Variants in CHST11 observed in about 807,000 individuals in gnomAD.
The protein encoded by CHST11 is carbohydrate sulfotransferase 11, also known as C4S-1.
A neutral mutation model predicts 30.4 loss-of-function variants in CHST11; 9 were observed. The observed-to-expected ratio is 0.30, with a 90% CI of 0.18 to 0.52. The LOEUF is 0.52. CHST11 is among the 20% of genes least tolerant of loss of function. CHST11 has a pLI of 0.97. For synonymous variants in CHST11, 152 were observed against 187.8 expected, an observed-to-expected ratio of 0.81 and a Z score of 1.56; for missense variants, 348 against 460.6, an observed-to-expected ratio of 0.76 and a Z score of 2.24.
chr12:104,468,271 T>C (rs929926780), intron 1 of CHST11, among the ~76,000 whole-genome samples: 1 of 152,036 alleles, frequency 6.6e-6, no homozygotes, highest in African/African-American at 2.4e-5. Context: ...ACCAATGAAA[T>C]AGTAAAGATA....
chr12:104,703,439 C>A (rs2040006884), intron 2 of CHST11, among the ~76,000 whole-genome samples: 1 of 152,128 alleles, frequency 6.6e-6, no homozygotes, highest in Non-Finnish European at 1.5e-5. Context: ...CACGTTTAGC[C>A]CACGCAGGTC....
At chr12:104,618,436 T>C (rs1239725011) in intron 2 of CHST11, among the ~76,000 whole-genome samples, 1 of 151,880 alleles carries the variant, frequency 6.6e-6, no homozygotes, top group Non-Finnish European at 1.5e-5. Flanking sequence ...GGTCTCACTA[T>C]GTTGCCCAGG....
intron 2 of CHST11, among the ~76,000 whole-genome samples, chr12:104,731,723 C>T (rs1283697074): frequency 1.3e-5 from 2 of 152,240 alleles, no homozygotes; most frequent in Non-Finnish European, 2.9e-5. Context: ...TATAATGTGT[C>T]CAGTTTCCAG....
In CHST11 at chr12:104,600,564, G is replaced by A. The variant is rs1487829525; in HGVS notation, c.119-1342G>A. On this transcript the variant is annotated intron_variant, in intron 1 of 2. Coordinates refer to ENST00000303694, the MANE Select transcript of CHST11 (RefSeq NM_018413.6). This position sits in a 1 kb window ranked among gnomAD's most constrained non-coding sequence, Gnocchi z 4.1. ...CCAACCCAGGAAGTTAGATGCCCCTGTCATTCCCATTTTACAGACAAAGAA... is the reference window on the plus strand; with the variant it reads ...CCAACCCAGGAAGTTAGATGCCCCTATCATTCCCATTTTACAGACAAAGAA... 6.6e-6 allele frequency among the ~76,000 whole-genome samples: 1 copy of A among 152,192 alleles called. No homozygotes were observed. Among genetic ancestry groups the A allele is most frequent in the Non-Finnish European group, 1.5e-5 (1 of 68,032 alleles).
At chr12:104,587,096 A>G (rs2038813160) in intron 1 of CHST11, among the ~76,000 whole-genome samples, 2 of 152,196 alleles carry the variant, frequency 1.3e-5, no homozygotes, top group African/African-American at 4.8e-5. Flanking sequence ...GCCAATTCCT[A>G]TCAGTTATCT....
chr12:104,761,291 C>T lies in CHST11; in HGVS notation c.*3488C>T, dbSNP rs1184896484. The stretch of plus-strand genomic sequence containing the variant: ...GGAAACTTCAGTTGCACTGGTTCTC[C>T]TGGTGGCAAAGGCATGAAGCACAGG... On this transcript the variant is annotated 3_prime_UTR_variant, in exon 3 of 3. Coordinates refer to ENST00000303694, the MANE Select transcript of CHST11 (RefSeq NM_018413.6). 2 of 152,240 alleles carry T rather than the reference C, an allele frequency of 1.3e-5. No homozygotes were observed. Among genetic ancestry groups the T allele is most frequent in the Non-Finnish European group, 2.9e-5 (2 of 68,092 alleles). The allele number at this position is 152,240 out of a possible 1,614,324, so 9.4% of individuals were successfully genotyped here.
At chr12:104,589,396 G>C (rs1355191033) in intron 1 of CHST11, among the ~76,000 whole-genome samples, 1 of 99,922 alleles carries the variant, frequency 1.0e-5, no homozygotes, top group African/African-American at 3.8e-5. Flanking sequence ...GCAAGATCTT[G>C]TCTCAAAAAA....
rs1414748055 is a variant in CHST11, at chr12:104,591,366, G to A, written c.119-10540G>A. On this transcript the variant is annotated intron_variant, in intron 1 of 2. Coordinates refer to ENST00000303694, the MANE Select transcript of CHST11 (RefSeq NM_018413.6). ...GGGTGGCAGCAGGGATACCAGTTAA[G>A]AGGTTTTTGTCATAGCCCAAGGGGA... Among the ~76,000 whole-genome samples, 3 of 152,036 alleles carry A rather than the reference G, an allele frequency of 2.0e-5. No homozygotes were observed. In the East Asian group the frequency reaches 5.8e-4, roughly 30 times the overall value.
chr12:104,521,390 G>A (rs1456289277), intron 1 of CHST11, among the ~76,000 whole-genome samples: 1 of 152,142 alleles, frequency 6.6e-6, no homozygotes, highest in African/African-American at 2.4e-5. Context: ...GCAGACTTTT[G>A]TCTGGTCAGC....
intron 1 of CHST11, among the ~76,000 whole-genome samples, chr12:104,476,324 C>T (rs4964809): frequency 0.12 from 18,375 of 150,462 alleles, 1,228 homozygotes; most frequent in South Asian, 0.19. Context: ...GTTATACACA[C>T]ATATAATATA....
chr12:104,528,300 T>G (rs74509589), intron 1 of CHST11, among the ~76,000 whole-genome samples: 1 of 152,150 alleles, frequency 6.6e-6, no homozygotes, highest in Non-Finnish European at 1.5e-5. Flanking sequence ...GGAGATGGCA[T>G]AGCCCAGCTG....
chr12:104,500,344 T>G (rs948207270), intron 1 of CHST11, among the ~76,000 whole-genome samples: 3 of 152,192 alleles, frequency 2.0e-5, no homozygotes, highest in African/African-American at 2.4e-5. Context: ...GAATTTAGAT[T>G]TATTAGTCCC....
chr12:104,472,296 G>T (rs1593953192), intron 1 of CHST11, among the ~76,000 whole-genome samples: 1 of 152,058 alleles, frequency 6.6e-6, no homozygotes, highest in East Asian at 1.9e-4. Context: ...AGGGGATGTT[G>T]TCTTTCCTGG....
chr12:104,551,855 T>C (rs1432369434), intron 1 of CHST11, among the ~76,000 whole-genome samples: 1 of 152,156 alleles, frequency 6.6e-6, no homozygotes, highest in East Asian at 1.9e-4. Context: ...TGGTGCGGGC[T>C]GGTGGTCTCT....
chr12:104,524,798 C>T (rs1337597602), intron 1 of CHST11, among the ~76,000 whole-genome samples: 1 of 152,238 alleles, frequency 6.6e-6, no homozygotes, highest in East Asian at 1.9e-4. Flanking sequence ...AAGGAGCCTA[C>T]AGTCTGCGGT....
intron 1 of CHST11, among the ~76,000 whole-genome samples, chr12:104,578,911 A>G (rs1343460167): frequency 6.6e-6 from 1 of 152,218 alleles, no homozygotes; most frequent in African/African-American, 2.4e-5. Flanking sequence ...CAGTTGTCTC[A>G]GCTTCAAAGC....
chr12:104,706,543 C>T (rs980946100), intron 2 of CHST11, among the ~76,000 whole-genome samples: 1 of 151,846 alleles, frequency 6.6e-6, no homozygotes, highest in Admixed American at 6.5e-5. Context: ...GAAGCGACCC[C>T]CTGGCAGTGA....
intron 1 of CHST11, among the ~76,000 whole-genome samples, chr12:104,536,466 C>T (rs1864463326): frequency 6.6e-6 from 1 of 152,182 alleles, no homozygotes; most frequent in African/African-American, 2.4e-5. Flanking sequence ...CCTCACTTGT[C>T]CATATGATGT....
At chr12:104,499,853 G>A (rs767338773) in intron 1 of CHST11, among the ~76,000 whole-genome samples, 3 of 152,168 alleles carry the variant, frequency 2.0e-5, no homozygotes, top group East Asian at 3.8e-4. Flanking sequence ...GCCCCCACAG[G>A]TTCTGGGGAC....
Sources: allele counts gnomAD v4.1 joint callset (sites outside exome capture counted in the v4.1 genomes callset), GRCh38; gene constraint gnomAD v4.1.1; non-coding constraint Gnocchi (gnomAD v3.1); transcripts MANE v1.5; gene names NCBI Gene and HGNC (gene_info 2026-07-23, HGNC 2026-07-21).